The following ST6GALNAC5 variants were observed in gnomAD, a reference collection of about 807,000 sequenced individuals.
ST6GALNAC5 encodes the protein alpha-N-acetylgalactosaminide alpha-2,6-sialyltransferase 5.
Under a neutral mutation model 33.6 loss-of-function variants are expected in ST6GALNAC5, and 27 were observed. The observed-to-expected ratio is 0.80, with a 90% CI of 0.59 to 1.11. The LOEUF (loss-of-function observed/expected upper bound fraction) is 1.11. Ranked by LOEUF, ST6GALNAC5 falls within the 50% of genes least tolerant of loss-of-function variation. The pLI is 0.00. For missense variants in ST6GALNAC5, 428 were observed against 454.0 expected (o/e 0.94, Z 0.52); for synonymous variants, 194 against 171.2 (o/e 1.13, Z -1.04).
chr1:76,882,856 C>G (rs1370265910), intron 2 of ST6GALNAC5, among the ~76,000 whole-genome samples: 1 of 152,130 alleles, frequency 6.6e-6, no homozygotes, highest in African/African-American at 2.4e-5. Flanking sequence ...CAGGATCTTG[C>G]TGGCCTAATT....
intron 2 of ST6GALNAC5, among the ~76,000 whole-genome samples, chr1:76,918,784 G>A (rs1647002230): frequency 6.6e-6 from 1 of 151,996 alleles, no homozygotes; most frequent in African/African-American, 2.4e-5. Context: ...TAAATGAACT[G>A]CGTCTGTTAC....
chr1:76,957,994 G>A (rs1648073357), intron 2 of ST6GALNAC5, among the ~76,000 whole-genome samples: 1 of 152,026 alleles, frequency 6.6e-6, no homozygotes, highest in Admixed American at 6.6e-5. Context: ...AGTTGACTTT[G>A]AGAATGTACC....
At chr1:76,902,334 G>C (rs926379824) in intron 2 of ST6GALNAC5, among the ~76,000 whole-genome samples, 1 of 152,094 alleles carries the variant, frequency 6.6e-6, no homozygotes, top group African/African-American at 2.4e-5. Flanking sequence ...CTAATACTCT[G>C]AGAACTATAA....
chr1:76,899,849 T>C (rs1014754816), intron 2 of ST6GALNAC5, among the ~76,000 whole-genome samples: 2 of 152,186 alleles, frequency 1.3e-5, no homozygotes, highest in African/African-American at 4.8e-5. Context: ...ATTGGTGAGA[T>C]GTTCCTTGGG....
chr1:76,965,391 C>G (rs961479801), intron 2 of ST6GALNAC5, among the ~76,000 whole-genome samples: 1 of 152,014 alleles, frequency 6.6e-6, no homozygotes, highest in Non-Finnish European at 1.5e-5. Flanking sequence ...CATGTGTCTG[C>G]GGGTGCATAA....
intron 2 of ST6GALNAC5, among the ~76,000 whole-genome samples, chr1:76,871,921 T>G (rs1391917518): frequency 9.9e-5 from 15 of 152,270 alleles, no homozygotes; most frequent in Admixed American, 9.2e-4. Context: ...CTTCAGGTAC[T>G]ATATCTGTAT....
chr1:77,028,649 A>G (rs2100445345), intron 2 of ST6GALNAC5, among the ~76,000 whole-genome samples: 1 of 152,358 alleles, frequency 6.6e-6, no homozygotes, highest in African/African-American at 2.4e-5. Context: ...GTGAAGAAAT[A>G]ACTGCAGTGA....
At position 77,066,201 on chromosome 1, in the gene ST6GALNAC5, C is replaced by G. The variant is rs1391272483; in HGVS notation, c.*2995C>G. ...GTACTCCTAAGGGCTACACATAAAA[C>G]CTGAGCAATTCAGAGACTTCTGAGG... On this transcript the variant is annotated 3_prime_UTR_variant, in exon 5 of 5. Coordinates refer to ENST00000477717, the MANE Select transcript of ST6GALNAC5 (RefSeq NM_030965.3). Among the ~76,000 whole-genome samples the G allele has an allele frequency of 6.6e-6, 1 of 151,992 alleles. No homozygotes were observed. Among genetic ancestry groups the G allele is most frequent in the African/African-American group, 2.4e-5 (1 of 41,366 alleles).
At chr1:77,055,709 C>T (rs1178867513) in intron 4 of ST6GALNAC5, among the ~76,000 whole-genome samples, 1 of 152,184 alleles carries the variant, frequency 6.6e-6, no homozygotes. Context: ...CTACTGGGCC[C>T]ACTGGGCATC....
At chr1:76,960,682 T>C (rs969847399) in intron 2 of ST6GALNAC5, among the ~76,000 whole-genome samples, 1 of 152,154 alleles carries the variant, frequency 6.6e-6, no homozygotes, top group Admixed American at 6.5e-5. Context: ...CAGGGATGCA[T>C]TCTCTTTCTC....
intron 2 of ST6GALNAC5, among the ~76,000 whole-genome samples, chr1:77,023,673 G>A (rs907567401): frequency 4.6e-5 from 7 of 152,266 alleles, no homozygotes; most frequent in African/African-American, 1.7e-4. Context: ...GATTGAGAGT[G>A]GGCAGTTTTT....
In ST6GALNAC5 at chr1:77,063,926, C is replaced by A. The variant is rs934263953; in HGVS notation, c.*720C>A. 1 of 152,402 alleles carries A rather than the reference C, an allele frequency of 6.6e-6. No homozygotes were observed. Among genetic ancestry groups the A allele is most frequent in the Non-Finnish European group, 1.5e-5 (1 of 68,002 alleles). 9.4% of individuals were successfully genotyped at this position (152,402 alleles called of 1,614,324 possible). Reference sequence around the variant, plus strand: ...AAGTGTTGTGTTGTATTTTTTGAACCCCTAGGCTTCAGGAAAACTGCTCTT... The same window carrying A: ...AAGTGTTGTGTTGTATTTTTTGAACACCTAGGCTTCAGGAAAACTGCTCTT... On this transcript the variant is annotated 3_prime_UTR_variant, in exon 5 of 5. Coordinates refer to ENST00000477717, the MANE Select transcript of ST6GALNAC5 (RefSeq NM_030965.3).
At chr1:76,897,430 A>C (rs1364955458) in intron 2 of ST6GALNAC5, among the ~76,000 whole-genome samples, 1 of 152,078 alleles carries the variant, frequency 6.6e-6, no homozygotes, top group East Asian at 1.9e-4. Flanking sequence ...TTGTAAGGAG[A>C]GTTTATAGGC....
chr1:77,030,196 A>G (rs1183960333), intron 2 of ST6GALNAC5, among the ~76,000 whole-genome samples: 2 of 152,050 alleles, frequency 1.3e-5, no homozygotes, highest in African/African-American at 4.8e-5. Context: ...TTTCTTCTTT[A>G]AGACTCCCCA....
chr1:77,066,180 T>C lies in ST6GALNAC5; in HGVS notation c.*2974T>C, dbSNP rs1173390996. ...GTGCTTTGCTAACCCTGGTGTGTAC[T>C]CCTAAGGGCTACACATAAAACCTGA... On this transcript the variant is annotated 3_prime_UTR_variant, in exon 5 of 5. Transcript: ENST00000477717. Among the ~76,000 whole-genome samples, 3 of 152,072 alleles carry C rather than the reference T, an allele frequency of 2.0e-5. No individual in the cohort carries two copies. The highest frequency in any genetic ancestry group is 7.2e-5 in the African/African-American group (3 of 41,390).
chr1:76,949,223 C>T (rs1647646272), intron 2 of ST6GALNAC5, among the ~76,000 whole-genome samples: 1 of 152,138 alleles, frequency 6.6e-6, no homozygotes, highest in Non-Finnish European at 1.5e-5. Flanking sequence ...AAGCTTTGCT[C>T]TTCTCATGAG....
At chr1:76,967,519 C>G (rs983204650) in intron 2 of ST6GALNAC5, among the ~76,000 whole-genome samples, 1 of 152,134 alleles carries the variant, frequency 6.6e-6, no homozygotes, top group African/African-American at 2.4e-5. Flanking sequence ...TTTTGTTAAT[C>G]TTTTCAAAAA....
chr1:77,005,423 G>T (rs1015006902), intron 2 of ST6GALNAC5, among the ~76,000 whole-genome samples: 21 of 152,340 alleles, frequency 1.4e-4, no homozygotes, highest in South Asian at 4.1e-4. Context: ...CGGTACCTCA[G>T]ATGGAAATGC....
intron 2 of ST6GALNAC5, among the ~76,000 whole-genome samples, chr1:77,021,320 G>A (rs1651046461): frequency 6.6e-6 from 1 of 152,108 alleles, no homozygotes; most frequent in Admixed American, 6.5e-5. Flanking sequence ...TGGGGGCAGG[G>A]GGTATGTTGC....
Sources: allele counts gnomAD v4.1 joint callset (sites outside exome capture counted in the v4.1 genomes callset), GRCh38; gene constraint gnomAD v4.1.1; transcripts MANE v1.5; gene names NCBI Gene and HGNC (gene_info 2026-07-23, HGNC 2026-07-21).